Variants in CHST12 observed in about 807,000 individuals in gnomAD.
The protein encoded by CHST12 is carbohydrate (chondroitin 4) sulfotransferase 12.
CHST12 carries 23 observed loss-of-function variants against 27.9 expected under a neutral mutation model. The observed-to-expected ratio is 0.82, with a 90% confidence interval of 0.59 to 1.17. CHST12 has a LOEUF of 1.17. Ranked by LOEUF, CHST12 falls within the 50% of genes most tolerant of loss-of-function variation. The pLI is 0.00. For missense variants in CHST12, 682 were observed against 603.0 expected (o/e 1.13, Z -1.37); for synonymous variants, 322 against 273.0 (o/e 1.18, Z -1.77).
intron 1 of CHST12, among the ~76,000 whole-genome samples, chr7:2,420,990 G>T (rs1946119): frequency 0.2 from 29,742 of 151,980 alleles, 3,018 homozygotes; most frequent in African/African-American, 0.26. Flanking sequence ...GCCTCCTTGA[G>T]TAGCTGGGAT....
intron 1 of CHST12, among the ~76,000 whole-genome samples, chr7:2,413,723 CT>C (rs1198072520): frequency 0.014 from 1,408 of 104,104 alleles, 2 homozygotes; most frequent in African/African-American, 0.041. Flanking sequence ...CAGGTTTTAG[CT>C]TTTTTTTTTT....
intron 1 of CHST12, among the ~76,000 whole-genome samples, chr7:2,414,995 A>C (rs892879688): frequency 6.6e-6 from 1 of 152,232 alleles, no homozygotes; most frequent in African/African-American, 2.4e-5. Context: ...TTGCAGGTTC[A>C]GTTCTGGACC....
At chr7:2,412,777 G>C (rs1781699886) in intron 1 of CHST12, among the ~76,000 whole-genome samples, 1 of 152,132 alleles carries the variant, frequency 6.6e-6, no homozygotes, top group Admixed American at 6.6e-5. Context: ...ACTTTTCCCA[G>C]TTTCATCCCA....
chr7:2,424,187 C>T (rs969246057), intron 1 of CHST12, among the ~76,000 whole-genome samples: 4 of 152,136 alleles, frequency 2.6e-5, no homozygotes, highest in Admixed American at 1.3e-4. Flanking sequence ...GATCCTGTCT[C>T]TACAGAATAA....
At chr7:2,425,137 A>G (rs1361755686) in intron 1 of CHST12, among the ~76,000 whole-genome samples, 3 of 149,474 alleles carry the variant, frequency 2.0e-5, no homozygotes, top group Admixed American at 6.7e-5. Flanking sequence ...CCCGGGAGGC[A>G]GAGATTGCAG....
chr7:2,422,417 T>C (rs1782001427), intron 1 of CHST12, among the ~76,000 whole-genome samples: 1 of 150,552 alleles, frequency 6.6e-6, no homozygotes, highest in Non-Finnish European at 1.5e-5. Context: ...GCTTATTTTG[T>C]ATTTTTAGTA....
chr7:2,414,094 TCTGA>T (rs1300931209), intron 1 of CHST12, among the ~76,000 whole-genome samples: 1 of 152,140 alleles, frequency 6.6e-6, no homozygotes, highest in Non-Finnish European at 1.5e-5. Flanking sequence ...CTATGTGCTT[TCTGA>T]CTATTTGTAT....
intron 1 of CHST12, among the ~76,000 whole-genome samples, chr7:2,409,408 A>G (rs1419587131): frequency 6.6e-6 from 1 of 152,178 alleles, no homozygotes; most frequent in Non-Finnish European, 1.5e-5. Flanking sequence ...TGAGTCCAGG[A>G]GTTCAAGACC....
chr7:2,419,237 C>T (rs957543574), intron 1 of CHST12, among the ~76,000 whole-genome samples: 21 of 152,134 alleles, frequency 1.4e-4, no homozygotes, highest in African/African-American at 4.8e-4. Flanking sequence ...GGTGAAACCC[C>T]ATCTCTACTA....
Position 2,438,632 on chromosome 7 carries a change from A to T in CHST12, c.*4748A>T, listed in dbSNP as rs566896776. 6.6e-6 allele frequency: 1 copy of T among 152,244 alleles called. No homozygotes were observed. Among genetic ancestry groups the T allele is most frequent in the Non-Finnish European group, 1.5e-5 (1 of 68,048 alleles). The allele number at this position is 152,244 out of a possible 1,614,324, so 9.4% of individuals were successfully genotyped here. On this transcript the variant is annotated 3_prime_UTR_variant, in exon 2 of 2. Transcript: ENST00000618655. Reference sequence around the variant, plus strand: ...TATCAAAAGGGAAAGCTTGGCTTGCATGGACGTAATTAACCTAAAAGTCTT... The same window carrying T: ...TATCAAAAGGGAAAGCTTGGCTTGCTTGGACGTAATTAACCTAAAAGTCTT...
chr7:2,432,795 C>T lies in CHST12; in HGVS notation c.156C>T (p.Pro52=), dbSNP rs745394094. ...ACACGGGGCCGCCGCTGCCCACGCC[C>T]GGGCCGGACAGGGACAGGGAGCTCA... ...RPHTGPPLPT[P]GPDRDRELTA... is the part of the protein sequence containing the mutation. Residue 52 remains proline, a synonymous_variant, in exon 2 of 2, where the codon CCC becomes CCT. Transcript: ENST00000618655. The T allele has an allele frequency of 1.1e-5, 17 of 1,613,668 alleles. No homozygotes were observed. Among genetic ancestry groups the T allele is most frequent in the South Asian group, 2.2e-5 (2 of 91,082 alleles).
At chr7:2,414,102 T>C (rs1781741601) in intron 1 of CHST12, among the ~76,000 whole-genome samples, 2 of 152,058 alleles carry the variant, frequency 1.3e-5, no homozygotes, top group African/African-American at 4.8e-5. Context: ...TTTCTGACTA[T>C]TTGTATCTCT....
chr7:2,444,092 G>A lies in CHST12; in HGVS notation c.*10208G>A, dbSNP rs1380601363. 13 of 151,328 alleles carry A rather than the reference G, an allele frequency of 8.6e-5. No individual in the cohort carries two copies. Among genetic ancestry groups the A allele is most frequent in the East Asian group, 1.9e-4 (1 of 5,180 alleles). 9.4% of individuals were successfully genotyped at this position (151,328 alleles called of 1,614,324 possible). Reference sequence around the variant, plus strand: ...GAGGTCAGGAGATCGAGACCATCCCGGCTAAAACGGTGAAACCCCGTCTCT... The same window carrying A: ...GAGGTCAGGAGATCGAGACCATCCCAGCTAAAACGGTGAAACCCCGTCTCT... On this transcript the variant is annotated 3_prime_UTR_variant, in exon 2 of 2. Transcript: ENST00000618655.
intron 1 of CHST12, among the ~76,000 whole-genome samples, chr7:2,403,886 G>A (rs1583202553): frequency 1.3e-5 from 2 of 152,108 alleles, no homozygotes; most frequent in Admixed American, 6.5e-5. Context: ...CCCTCTCTGA[G>A]CCCCGCTCGT....
In CHST12 at chr7:2,433,863, C is replaced by T. The variant is rs138439506; in HGVS notation, c.1224C>T (p.Pro408=). 8.9e-6 allele frequency: 14 copies of T among 1,579,072 alleles called. No homozygotes were observed. In the African/African-American group the frequency reaches 1.2e-4, roughly 14 times the overall value. The stretch of plus-strand genomic sequence containing the variant: ...TTGTTCTCTTCGGCTACCCCAAGCC[C>T]GAAAACCTCCTCCGAGACTGAAAGC... ...ADFVLFGYPK[P]ENLLRD is the part of the protein sequence containing the mutation. The change falls in exon 2 of 2, where the codon CCC becomes CCT. Residue 408 remains proline, a synonymous_variant. Transcript: ENST00000618655. This position sits in a 1 kb window ranked among gnomAD's most constrained non-coding sequence, Gnocchi z 6.1.
At chr7:2,414,948 C>G (rs987091435) in intron 1 of CHST12, among the ~76,000 whole-genome samples, 3 of 152,186 alleles carry the variant, frequency 2.0e-5, no homozygotes, top group African/African-American at 7.2e-5. Context: ...GGACTTTGTG[C>G]TGTCTCATTT....
chr7:2,419,523 A>G (rs556079673), intron 1 of CHST12, among the ~76,000 whole-genome samples: 243 of 151,892 alleles, frequency 1.6e-3, no homozygotes, highest in Non-Finnish European at 3.0e-3. Flanking sequence ...CCTGGCCAAC[A>G]TGGTGAAGCC....
intron 1 of CHST12, among the ~76,000 whole-genome samples, chr7:2,417,285 C>T (rs965232371): frequency 1.3e-4 from 20 of 148,884 alleles, no homozygotes; most frequent in African/African-American, 2.5e-4. Context: ...AGTGCAGTGG[C>T]GTGATCTCAG....
At chr7:2,411,599 T>C (rs1033256816) in intron 1 of CHST12, among the ~76,000 whole-genome samples, 2 of 141,016 alleles carry the variant, frequency 1.4e-5, no homozygotes, top group South Asian at 2.3e-4. Context: ...AGCAATTGTC[T>C]CTGCCTCAGC....
Sources: allele counts gnomAD v4.1 joint callset (sites outside exome capture counted in the v4.1 genomes callset), GRCh38; gene constraint gnomAD v4.1.1; non-coding constraint Gnocchi (gnomAD v3.1); transcripts MANE v1.5; gene names NCBI Gene and HGNC (gene_info 2026-07-23, HGNC 2026-07-21).